Variants in SPIRE1 observed in about 807,000 individuals in gnomAD.
SPIRE1 encodes protein spire homolog 1.
A neutral mutation model predicts 94.1 loss-of-function variants in SPIRE1; 40 were observed. That is an observed-to-expected ratio of 0.43 (90% CI 0.33 to 0.55). The LOEUF (loss-of-function observed/expected upper bound fraction) is 0.55, where lower values mean the gene tolerates loss of function less well. Among genes scored for constraint, SPIRE1 ranks in the 20% least tolerant of loss-of-function variants. The pLI is 0.06. For synonymous variants in SPIRE1, 376 were observed against 371.7 expected (o/e 1.01, Z -0.13); for missense variants, 838 against 975.2 (o/e 0.86, Z 1.87).
chr18:12,617,679 G>T (rs1038349247), intron 2 of SPIRE1, among the ~76,000 whole-genome samples: 1 of 152,040 alleles, frequency 6.6e-6, no homozygotes, highest in African/African-American at 2.4e-5. Context: ...CAAAGTGCTA[G>T]GATTACAGGC....
chr18:12,524,769 T>C (rs2034456216), intron 4 of SPIRE1, among the ~76,000 whole-genome samples: 1 of 150,354 alleles, frequency 6.7e-6, no homozygotes, highest in Non-Finnish European at 1.5e-5. Context: ...AGGCCAGGAG[T>C]TTCAGACCAA....
chr18:12,470,166 C>T (rs1305841300), intron 10 of SPIRE1, among the ~76,000 whole-genome samples: 2 of 151,972 alleles, frequency 1.3e-5, no homozygotes, highest in Non-Finnish European at 2.9e-5. Context: ...AGGCTGGTCT[C>T]GAACTCCTTA....
intron 4 of SPIRE1, among the ~76,000 whole-genome samples, chr18:12,521,845 G>A (rs1185009849): frequency 1.3e-5 from 2 of 152,022 alleles, no homozygotes; most frequent in Non-Finnish European, 2.9e-5. Flanking sequence ...GCTTTGGGGT[G>A]CTCATGACAG....
chr18:12,627,473 T>A (rs1198847643), intron 2 of SPIRE1, among the ~76,000 whole-genome samples: 1 of 152,214 alleles, frequency 6.6e-6, no homozygotes, highest in Non-Finnish European at 1.5e-5. Flanking sequence ...GATGGACATT[T>A]GGGTTGGTTC....
chr18:12,557,862 C>A (rs1769611903), intron 2 of SPIRE1, among the ~76,000 whole-genome samples: 1 of 152,032 alleles, frequency 6.6e-6, no homozygotes, highest in Non-Finnish European at 1.5e-5. Context: ...AGAAATAGAT[C>A]CATACATCTA....
At chr18:12,629,603 T>C (rs2037721264) in intron 2 of SPIRE1, among the ~76,000 whole-genome samples, 1 of 151,776 alleles carries the variant, frequency 6.6e-6, no homozygotes, top group Non-Finnish European at 1.5e-5. Context: ...TACAGATCAG[T>C]GGCTAAGAGG....
chr18:12,531,233 A>AC (rs1240194109), intron 4 of SPIRE1, among the ~76,000 whole-genome samples: 6 of 151,470 alleles, frequency 4.0e-5, no homozygotes, highest in South Asian at 2.1e-4. Flanking sequence ...TTTACATGGT[A>AC]CCCCCCCATC....
intron 10 of SPIRE1, among the ~76,000 whole-genome samples, chr18:12,477,948 T>A (rs1391584549): frequency 6.6e-6 from 1 of 151,718 alleles, no homozygotes; most frequent in Non-Finnish European, 1.5e-5. Flanking sequence ...CTTCCGAAGG[T>A]TTTAAGCAGG....
intron 12 of SPIRE1, among the ~76,000 whole-genome samples, chr18:12,457,984 A>T (rs1331928759): frequency 6.6e-6 from 1 of 151,372 alleles, no homozygotes; most frequent in Non-Finnish European, 1.5e-5. Context: ...AGCTGGGACG[A>T]CAGGCGCCCG....
chr18:12,647,210 G>A (rs1266653358), intron 1 of SPIRE1, among the ~76,000 whole-genome samples: 2 of 152,058 alleles, frequency 1.3e-5, no homozygotes, highest in Admixed American at 1.3e-4. Flanking sequence ...AATTTTAAAA[G>A]TTTGTGAGAT....
chr18:12,581,156 G>A (rs1000035195), intron 2 of SPIRE1, among the ~76,000 whole-genome samples: 1 of 152,150 alleles, frequency 6.6e-6, no homozygotes. Context: ...TTCCACAGGT[G>A]AGACCGGCAA....
chr18:12,634,949 A>AG, intron 2 of SPIRE1, 113 bp downstream of exon 2: 1 of 595,906 alleles, frequency 1.7e-6, no homozygotes, highest in Non-Finnish European at 2.9e-6. Context: ...AAAAAAAAAA[A>AG]AGAAATCTTA....
chr18:12,542,055 C>A (rs1170552636), intron 3 of SPIRE1, among the ~76,000 whole-genome samples: 1 of 151,944 alleles, frequency 6.6e-6, no homozygotes, highest in Non-Finnish European at 1.5e-5. Context: ...CGGCTCACTG[C>A]AACCTCTGCT....
intron 2 of SPIRE1, 112 bp downstream of exon 2, chr18:12,634,950 A>T: frequency 1.7e-6 from 1 of 584,098 alleles, no homozygotes; most frequent in South Asian, 2.1e-5. Context: ...AAAAAAAAAA[A>T]GAAATCTTAT....
At chr18:12,617,664 C>T (rs1390373555) in intron 2 of SPIRE1, among the ~76,000 whole-genome samples, 1 of 152,138 alleles carries the variant, frequency 6.6e-6, no homozygotes, top group African/African-American at 2.4e-5. Flanking sequence ...ACCACCTCGG[C>T]CTCCCAAAGT....
chr18:12,490,735 C>A lies in SPIRE1; in HGVS notation c.1189+2337G>T, dbSNP rs139412535. 1.8e-3 allele frequency among the ~76,000 whole-genome samples: 278 copies of A among 152,148 alleles called. 1 individual carries two copies. The highest frequency in any genetic ancestry group is 5.7e-3 in the African/African-American group (238 of 41,510). On this transcript the variant is annotated intron_variant, in intron 8 of 16. Coordinates refer to ENST00000409402, the MANE Select transcript of SPIRE1 (RefSeq NM_001128626.2). ...AGAAAGCATGTGACAAAATTCAACACCTTTTCAAAATAAAAACACTCAACA... is the reference window on the plus strand; with the variant it reads ...AGAAAGCATGTGACAAAATTCAACAACTTTTCAAAATAAAAACACTCAACA...
At position 12,599,882 on chromosome 18, in the gene SPIRE1, C is replaced by G. The variant is rs141259575; in HGVS notation, c.372+35180G>C. ...TCCTCCCTTTGAGTCTAGGTGGGACCTGTGAAGTGCTTCTAACTGACAGAA... is the reference window on the plus strand; with the variant it reads ...TCCTCCCTTTGAGTCTAGGTGGGACGTGTGAAGTGCTTCTAACTGACAGAA... On this transcript the variant is annotated intron_variant, in intron 2 of 16. Coordinates refer to ENST00000409402, the MANE Select transcript of SPIRE1 (RefSeq NM_001128626.2). Among the ~76,000 whole-genome samples the G allele has an allele frequency of 3.2e-3, 487 of 152,190 alleles. 3 individuals are homozygous for G. Among genetic ancestry groups the G allele is most frequent in the Non-Finnish European group, 3.7e-3 (254 of 67,996 alleles).
At chr18:12,647,412 T>C (rs1322132643) in intron 1 of SPIRE1, among the ~76,000 whole-genome samples, 1 of 152,184 alleles carries the variant, frequency 6.6e-6, no homozygotes, top group African/African-American at 2.4e-5. Context: ...AATATCCATC[T>C]AGAGTTTGAA....
intron 7 of SPIRE1, among the ~76,000 whole-genome samples, chr18:12,495,380 A>T (rs377007258): frequency 6.6e-6 from 1 of 152,216 alleles, no homozygotes; most frequent in Admixed American, 6.5e-5. Context: ...TTATTATAAA[A>T]TATGTCAATA....
Sources: allele counts gnomAD v4.1 joint callset (sites outside exome capture counted in the v4.1 genomes callset), GRCh38; gene constraint gnomAD v4.1.1; transcripts MANE v1.5; gene names NCBI Gene and HGNC (gene_info 2026-07-23, HGNC 2026-07-21).